Variants in LRRC71 observed in about 807,000 individuals in gnomAD.
The protein encoded by LRRC71 is leucine rich repeat containing 71.
In LRRC71, 54 loss-of-function variants were observed where a neutral mutation model predicts 66.6. That is an observed-to-expected ratio of 0.81 (90% CI 0.65 to 1.02). The LOEUF (loss-of-function observed/expected upper bound fraction) is 1.02, where lower values mean the gene tolerates loss of function less well. Among genes scored for constraint, LRRC71 ranks in the 50% least tolerant of loss-of-function variants. The pLI, the probability that LRRC71 is intolerant of heterozygous loss-of-function variation, is 0.00. For missense variants in LRRC71, 724 were observed against 718.0 expected, an observed-to-expected ratio of 1.01 and a Z score of -0.10; for synonymous variants, 323 against 303.9, an observed-to-expected ratio of 1.06 and a Z score of -0.65.
At position 156,932,562 on chromosome 1, in the gene LRRC71, C is replaced by A; in HGVS notation, c.1563+17C>A. On this transcript the variant is annotated intron_variant, in intron 14 of 14. Transcript: ENST00000337428. ...TCCCTGGCTGTGAGTCCCTTTCACTCTCTCCTGCTGAAGCAGACGTTGCCC... is the reference window on the plus strand; with the variant it reads ...TCCCTGGCTGTGAGTCCCTTTCACTATCTCCTGCTGAAGCAGACGTTGCCC... 6.2e-7 allele frequency: 1 copy of A among 1,613,990 alleles called. No individual in the cohort carries two copies. Among genetic ancestry groups the A allele is most frequent in the South Asian group, 1.1e-5 (1 of 91,078 alleles).
chr1:156,921,498 C>T (rs540333377), intron 1 of LRRC71: 55 of 296,818 alleles, frequency 1.9e-4, no homozygotes, highest in South Asian at 1.8e-3. Context: ...CTGCCAGCTT[C>T]GTCATCACGG....
intron 13 of LRRC71, 119 bp downstream of exon 13, chr1:156,932,146 G>A: frequency 1.2e-6 from 1 of 838,166 alleles, no homozygotes; most frequent in Non-Finnish European, 1.9e-6. Flanking sequence ...TGGGCTACAT[G>A]TCCCCCAAGG....
rs370481584 is a variant in LRRC71 at position 156,927,790 on chromosome 1, G to C, written c.880G>C (p.Asp294His). ...WLSLAHNRIQ[D>H]KGALKLAEVL... is the part of the protein sequence containing the mutation. ...GTCCCTGGCCCACAACCGCATCCAG[G>C]ACAAGGGCGCCCTGAAGCTGGCTGA... is the stretch of plus-strand genomic sequence containing the variant. The change falls in exon 8 of 15, where the codon GAC becomes CAC. Residue 294 changes from aspartate (D) to histidine (H), a missense_variant. Physicochemically the swap from Asp to His is moderately conservative, Grantham distance 81. Transcript: ENST00000337428. The C allele has an allele frequency of 2.4e-5, 39 of 1,612,924 alleles. No individual in the cohort carries two copies. Among genetic ancestry groups the C allele is most frequent in the Non-Finnish European group, 3.3e-5 (39 of 1,179,752 alleles).
At chr1:156,939,005 G>C in the LRRC71 span, 1 of 182,650 alleles carries the variant, frequency 5.5e-6, no homozygotes, top group Non-Finnish European at 1.1e-5. Context: ...TCCCAACCCG[G>C]GGTGCCCTCC....
chr1:156,931,333 A>C (rs1224611892), intron 12 of LRRC71, among the ~76,000 whole-genome samples: 2 of 152,150 alleles, frequency 1.3e-5, no homozygotes, highest in Non-Finnish European at 2.9e-5. Context: ...TCAAGACAAA[A>C]TCTTACAAAA....
chr1:156,934,571 A>G (rs1654746527), downstream of LRRC71, among the ~76,000 whole-genome samples: 1 of 152,036 alleles, frequency 6.6e-6, no homozygotes, highest in African/African-American at 2.4e-5. Context: ...ATATGTGTGT[A>G]TATATATGTA....
At chr1:156,939,899 G>A in the LRRC71 span, 2 of 1,604,636 alleles carry the variant, frequency 1.2e-6, no homozygotes, top group South Asian at 1.1e-5. Flanking sequence ...ATCAGATGTC[G>A]CAGGTTCTCC....
At chr1:156,935,525 C>T (rs41273227), downstream of LRRC71, 2,220 of 154,940 alleles carry the variant, frequency 0.014, 26 homozygotes, top group South Asian at 0.039. Flanking sequence ...GATGCACATA[C>T]GATACATACA....
Position 156,927,285 on chromosome 1 carries a change from C to T in LRRC71, c.662+15C>T. 6.2e-7 allele frequency: 1 copy of T among 1,611,896 alleles called. No homozygotes were observed. The highest frequency in any genetic ancestry group is 8.5e-7 in the Non-Finnish European group (1 of 1,178,264). On this transcript the variant is annotated intron_variant, in intron 6 of 14. Transcript: ENST00000337428. ...TTGGACAGCACGTGAGACTCCCTGC[C>T]CTCACCCCCTTTCTCTGGGCCTGTC...
intron 14 of LRRC71, 55 bp downstream of exon 14, chr1:156,932,600 A>G (rs753202031): frequency 6.2e-7 from 1 of 1,613,884 alleles, no homozygotes; most frequent in South Asian, 1.1e-5. Flanking sequence ...ATCAGCTGTC[A>G]TACTAGACAG....
chr1:156,939,263 G>A, the LRRC71 span: 2 of 423,304 alleles, frequency 4.7e-6, no homozygotes, highest in Admixed American at 8.0e-5. Context: ...TTTGTGCCAG[G>A]CAGAAAGAAA....
downstream of LRRC71, among the ~76,000 whole-genome samples, chr1:156,934,126 C>A (rs550918126): frequency 6.6e-6 from 1 of 152,318 alleles, no homozygotes; most frequent in African/African-American, 2.4e-5. Flanking sequence ...GGAAACTTGC[C>A]ATGTCCTCCA....
Position 156,924,566 on chromosome 1 carries a change from C to T in LRRC71, c.439+14C>T, listed in dbSNP as rs1652900289. 6.4e-7 allele frequency: 1 copy of T among 1,551,504 alleles called. No individual in the cohort carries two copies. Among genetic ancestry groups the T allele is most frequent in the Non-Finnish European group, 8.7e-7 (1 of 1,146,874 alleles). On this transcript the variant is annotated intron_variant, in intron 3 of 14. Coordinates refer to ENST00000337428, the MANE Select transcript of LRRC71 (RefSeq NM_144702.3). ...TCTACATCCGCGGTGAGCCCCGCTCCCCCCACCCGCCCCAGCTCCCTCCCG... is the reference window on the plus strand; with the variant it reads ...TCTACATCCGCGGTGAGCCCCGCTCTCCCCACCCGCCCCAGCTCCCTCCCG...
At chr1:156,927,086 C>T (rs1209779966) in intron 5 of LRRC71, 116 bp from the exon 6 acceptor site, 3 of 817,956 alleles carry the variant, frequency 3.7e-6, no homozygotes, top group Admixed American at 4.9e-5. Context: ...ATTGGGGGGG[C>T]AATCCTTTGA....
chr1:156,923,984 T>G lies in LRRC71; in HGVS notation c.196T>G (p.Phe66Val). 1.3e-6 allele frequency: 2 copies of G among 1,540,350 alleles called. No individual in the cohort carries two copies. The highest frequency in any genetic ancestry group is 1.8e-6 in the Non-Finnish European group (2 of 1,141,302). ...YQCSGVLETDFAELCTRWGYT... is the reference protein window; with the variant it reads ...YQCSGVLETDVAELCTRWGYT... ...GTGCTCCGGGGTCCTCGAGACCGAC[T>G]TCGCCGAGCTCTGCACGCGGTGGGG... The change falls in exon 2 of 15, where the codon TTC (phenylalanine) becomes GTC (valine). Residue 66 changes from phenylalanine (F) to valine (V), a missense_variant. Phe to Val is a conservative substitution (Grantham distance 50). Transcript: ENST00000337428.
chr1:156,938,835 C>A, the LRRC71 span: 1,538 of 350,784 alleles, frequency 4.4e-3, 22 homozygotes, highest in African/African-American at 0.028. Flanking sequence ...TAGCGTGGAA[C>A]CCCATCCCAT....
At position 156,927,769 on chromosome 1, in the gene LRRC71, C is replaced by G. The variant is rs775990549; in HGVS notation, c.859C>G (p.Leu287Val). 1 of 1,612,096 alleles carries G rather than the reference C, an allele frequency of 6.2e-7. No individual in the cohort carries two copies. Among genetic ancestry groups the G allele is most frequent in the Non-Finnish European group, 8.5e-7 (1 of 1,179,744 alleles). The change falls in exon 8 of 15, where the codon CTG becomes GTG. Residue 287 changes from leucine to valine, a missense_variant. Physicochemically the swap from Leu to Val is conservative, Grantham distance 32 (BLOSUM62 1). Transcript: ENST00000337428. ...RLNRSLLWLS[L>V]AHNRIQDKGA... ...GAACCGTTCCCTGCTCTGGCTGTCC[C>G]TGGCCCACAACCGCATCCAGGACAA...
In LRRC71 at chr1:156,931,930, T is replaced by C; in HGVS notation, c.1344T>C (p.Ala448=). ...TGCTTTAGCAGCTGGTTGTTGAGGC[T>C]ACTGAGGTGGTCAACCCTCTCCTGG... ...ILLESELVVE[A]TEVVNPLLEP... is the part of the protein sequence containing the mutation. The change falls in exon 13 of 15, where the codon GCT becomes GCC. Residue 448 remains alanine (A), a synonymous_variant. Coordinates refer to ENST00000337428, the MANE Select transcript of LRRC71 (RefSeq NM_144702.3). 6.3e-7 allele frequency: 1 copy of C among 1,589,094 alleles called. No individual in the cohort carries two copies.
chr1:156,938,498 C>T, the LRRC71 span: 2 of 1,613,204 alleles, frequency 1.2e-6, no homozygotes, highest in African/African-American at 2.7e-5. Flanking sequence ...GACAACCTTG[C>T]TGCCTGCCAC....
Sources: allele counts gnomAD v4.1 joint callset (sites outside exome capture counted in the v4.1 genomes callset), GRCh38; gene constraint gnomAD v4.1.1; transcripts MANE v1.5; gene names NCBI Gene and HGNC (gene_info 2026-07-23, HGNC 2026-07-21).